The following FANCL variants were observed in gnomAD, a reference collection of about 807,000 sequenced individuals.
FANCL encodes E3 ubiquitin-protein ligase FANCL.
FANCL carries 69 observed loss-of-function variants against 59.4 expected under a neutral mutation model. The ratio of observed to expected loss-of-function variants is 1.16; its 90% confidence interval spans 0.96 to 1.42. FANCL has a LOEUF of 1.42. Ranked by LOEUF, FANCL falls within the 40% of genes most tolerant of loss-of-function variation. The pLI, the probability that FANCL is intolerant of heterozygous loss-of-function variation, is 0.00. For synonymous variants in FANCL, 180 were observed against 147.1 expected (o/e 1.22, Z -1.62); for missense variants, 519 against 447.2 (o/e 1.16, Z -1.45).
intron 5 of FANCL, among the ~76,000 whole-genome samples, chr2:58,218,073 T>C (rs932362702): frequency 2.6e-5 from 4 of 152,050 alleles, no homozygotes; most frequent in African/African-American, 9.7e-5. Flanking sequence ...AATTAAGAGA[T>C]ATACTAAATA....
At chr2:58,231,564 A>G (rs1192612039) in intron 2 of FANCL, among the ~76,000 whole-genome samples, 1 of 152,162 alleles carries the variant, frequency 6.6e-6, no homozygotes, top group Admixed American at 6.5e-5. Context: ...TTCTCCAGAA[A>G]TATTTAGAGG....
At chr2:58,217,623 G>A (rs778525938) in intron 5 of FANCL, among the ~76,000 whole-genome samples, 4 of 151,468 alleles carry the variant, frequency 2.6e-5, no homozygotes, top group South Asian at 2.1e-4. Flanking sequence ...ATAACAAAAG[G>A]GAAAACCAAC....
intron 7 of FANCL, among the ~76,000 whole-genome samples, chr2:58,192,465 T>C (rs908772263): frequency 6.6e-6 from 1 of 151,860 alleles, no homozygotes; most frequent in Non-Finnish European, 1.5e-5. Context: ...TTTTAAAAAG[T>C]GACCTCTAGG....
intron 5 of FANCL, among the ~76,000 whole-genome samples, chr2:58,216,463 T>A (rs3821212): frequency 0.23 from 34,306 of 152,016 alleles, 5,401 homozygotes; most frequent in African/African-American, 0.44. Context: ...CACTAACTAG[T>A]ATGCCTCCAA....
intron 7 of FANCL, among the ~76,000 whole-genome samples, chr2:58,181,751 T>C (rs77524104): frequency 0.01 from 1,552 of 151,952 alleles, 15 homozygotes; most frequent in Non-Finnish European, 0.015. Context: ...TTCTTGTATG[T>C]CAGAAAATTT....
chr2:58,235,864 G>C (rs1693967477), intron 1 of FANCL, among the ~76,000 whole-genome samples: 1 of 151,856 alleles, frequency 6.6e-6, no homozygotes, highest in Non-Finnish European at 1.5e-5. Context: ...AAATATGCTA[G>C]ATAGTATCAA....
intron 5 of FANCL, among the ~76,000 whole-genome samples, chr2:58,212,180 G>A (rs1253182720): frequency 6.6e-6 from 1 of 152,198 alleles, no homozygotes; most frequent in South Asian, 2.1e-4. Context: ...TCACAATCAT[G>A]GTGGAAGGCA....
At chr2:58,231,927 C>G in intron 2 of FANCL, 127 bp downstream of exon 2, 1 of 764,062 alleles carries the variant, frequency 1.3e-6, no homozygotes, top group South Asian at 1.5e-5. Context: ...AGAAATGTTT[C>G]TTTTGGGGCA....
In FANCL at chr2:58,232,126, T is replaced by C. The variant is rs972298179; in HGVS notation, c.97-14A>G. On this transcript the variant is annotated splice_polypyrimidine_tract_variant and intron_variant, in intron 1 of 13. Coordinates refer to ENST00000233741, the MANE Select transcript of FANCL (RefSeq NM_018062.4). ...GAAGTCTCTTCCCTGTGGAAAATAT[T>C]GAAAAGGATCACTCAAATTTTTATC... The C allele has an allele frequency of 1.9e-6, 3 of 1,609,740 alleles. No homozygotes were observed. Among genetic ancestry groups the C allele is most frequent in the African/African-American group, 2.7e-5 (2 of 74,824 alleles).
chr2:58,226,051 T>C (rs1211209898), intron 4 of FANCL, among the ~76,000 whole-genome samples: 1 of 152,074 alleles, frequency 6.6e-6, no homozygotes, highest in Non-Finnish European at 1.5e-5. Flanking sequence ...CTGACATATT[T>C]ACAGAGGGAT....
intron 7 of FANCL, among the ~76,000 whole-genome samples, chr2:58,191,694 GAT>G (rs1279830216): frequency 2.0e-5 from 3 of 151,784 alleles, no homozygotes; most frequent in African/African-American, 7.2e-5. Flanking sequence ...CTGTCTGACA[GAT>G]ATGTGTGTAT....
chr2:58,177,525 G>C (rs996974607), intron 7 of FANCL, among the ~76,000 whole-genome samples: 2 of 149,702 alleles, frequency 1.3e-5, no homozygotes, highest in Non-Finnish European at 3.0e-5. Context: ...GTAAACTATC[G>C]CAAGAACAAA....
At chr2:58,205,729 G>C (rs1690516158) in intron 5 of FANCL, among the ~76,000 whole-genome samples, 1 of 152,072 alleles carries the variant, frequency 6.6e-6, no homozygotes. Context: ...AAACAGAAAA[G>C]AAGAGAGAAC....
At chr2:58,168,717 A>G (rs1001501198) in intron 7 of FANCL, among the ~76,000 whole-genome samples, 8 of 152,178 alleles carry the variant, frequency 5.3e-5, no homozygotes, top group African/African-American at 1.9e-4. Flanking sequence ...TCTTGCTGCC[A>G]GCACAGCAGT....
intron 5 of FANCL, among the ~76,000 whole-genome samples, chr2:58,217,136 TATATAGATTTATATATATATTTATATA>T (rs1691807500): frequency 1.0e-5 from 1 of 96,862 alleles, no homozygotes; most frequent in Non-Finnish European, 2.3e-5. Flanking sequence ...TATATTTTTA[TATATAGATTTATATATATATTTATATA>T]TTTTATATAT....
intron 7 of FANCL, among the ~76,000 whole-genome samples, chr2:58,171,629 A>T (rs985691905): frequency 6.6e-6 from 1 of 152,204 alleles, no homozygotes; most frequent in African/African-American, 2.4e-5. Context: ...ATTGGAGCCA[A>T]GATGGCCGAA....
intron 3 of FANCL, among the ~76,000 whole-genome samples, 178 bp downstream of exon 3, chr2:58,229,636 T>C (rs779427183): frequency 6.6e-6 from 1 of 152,180 alleles, no homozygotes; most frequent in Non-Finnish European, 1.5e-5. Flanking sequence ...ACACAAAGGC[T>C]GCCTGGAGAT....
chr2:58,217,163 ATTT>A lies in FANCL; in HGVS notation c.374+4776_374+4778del, dbSNP rs1253976907. Among the ~76,000 whole-genome samples the A allele has an allele frequency of 6.3e-4, 40 of 63,660 alleles. 2 individuals carry two copies. The East Asian group carries it at 0.01, about 17-fold the overall frequency. The allele number at this position is 63,660 out of a possible 152,430, so 41.8% of individuals were successfully genotyped here. A position where few individuals can be genotyped will look rare whatever the true frequency, so the allele number is the denominator to read the frequency against. On this transcript the variant is annotated intron_variant, in intron 5 of 13. Transcript: ENST00000233741. ...TATAGATTTATATATATATTTATAT[ATTT>A]TATATATATATATATATATATATAT...
intron 11 of FANCL, among the ~76,000 whole-genome samples, chr2:58,162,258 T>C (rs143549675): frequency 6.6e-6 from 1 of 152,056 alleles, no homozygotes; most frequent in African/African-American, 2.4e-5. Context: ...TGGTATCTAT[T>C]CAATTTTGAG....
Sources: allele counts gnomAD v4.1 joint callset (sites outside exome capture counted in the v4.1 genomes callset), GRCh38; gene constraint gnomAD v4.1.1; transcripts MANE v1.5; gene names NCBI Gene and HGNC (gene_info 2026-07-23, HGNC 2026-07-21).